The following TBC1D16 variants were observed in gnomAD, a reference collection of about 807,000 sequenced individuals.
TBC1D16 encodes the protein CTD-2529O21.1.
A neutral mutation model predicts 74.7 loss-of-function variants in TBC1D16; 58 were observed. The ratio of observed to expected loss-of-function variants is 0.78; its 90% CI spans 0.63 to 0.97. TBC1D16 has a LOEUF of 0.97. TBC1D16 is among the 50% of genes least tolerant of loss of function. The pLI, the probability that TBC1D16 is intolerant of heterozygous loss-of-function variation, is 0.00. For synonymous variants in TBC1D16, 493 were observed against 474.7 expected (o/e 1.04, Z -0.50); for missense variants, 1,014 against 1,079.5 (o/e 0.94, Z 0.85).
In TBC1D16 at chr17:79,980,452, G is replaced by A. The variant is rs534172193; in HGVS notation, c.780-27634C>T. ...GGAACATGCAGTGGGAGTCTGGGCC[G>A]CTACGTTGTGGGGTGGTGTAACCAG... is the stretch of plus-strand genomic sequence containing the variant. On this transcript the variant is annotated intron_variant, in intron 3 of 11. Transcript: ENST00000310924. This position sits in a 1 kb window ranked among gnomAD's most constrained non-coding sequence, Gnocchi z 7.0. Among the ~76,000 whole-genome samples the A allele has an allele frequency of 2.0e-5, 3 of 152,172 alleles. No homozygotes were observed. Among genetic ancestry groups the A allele is most frequent in the African/African-American group, 4.8e-5 (2 of 41,446 alleles).
intron 3 of TBC1D16, among the ~76,000 whole-genome samples, chr17:79,963,457 T>C (rs2033709115): frequency 6.6e-6 from 1 of 152,190 alleles, no homozygotes; most frequent in African/African-American, 2.4e-5. Flanking sequence ...TATTCCATTG[T>C]ACGGATGGAC....
At chr17:80,029,333 C>T (rs1008190921) in intron 1 of TBC1D16, among the ~76,000 whole-genome samples, 2 of 152,164 alleles carry the variant, frequency 1.3e-5, no homozygotes, top group African/African-American at 4.8e-5. Context: ...CAGATCTATT[C>T]TTTCACAATG....
rs1021566302 is a variant in TBC1D16, at chr17:80,008,678, C to A, written c.779+1482G>T. 2.0e-5 allele frequency among the ~76,000 whole-genome samples: 3 copies of A among 152,202 alleles called. No homozygotes were observed. The highest frequency in any genetic ancestry group is 1.5e-5 in the Non-Finnish European group (1 of 68,032). Reference sequence around the variant, plus strand: ...CCTCCTCGGGTTCCCTGGCGCCTGACGCCACCCAGCTCAGCAAGCCTCCTG... The same window carrying A: ...CCTCCTCGGGTTCCCTGGCGCCTGAAGCCACCCAGCTCAGCAAGCCTCCTG... On this transcript the variant is annotated intron_variant, in intron 3 of 11. Coordinates refer to ENST00000310924, the MANE Select transcript of TBC1D16 (RefSeq NM_019020.4). This position sits in a 1 kb window ranked among gnomAD's most constrained non-coding sequence, Gnocchi z 4.5.
Position 79,938,459 on chromosome 17 carries a change from T to C in TBC1D16, c.*2400A>G, listed in dbSNP as rs17052909. ...GAGACTCAGAAGGAATGCCTTCTAC[T>C]AGGACCTTCCCAAGTGAGGGGAGCC... On this transcript the variant is annotated 3_prime_UTR_variant, in exon 12 of 12. Coordinates refer to ENST00000310924, the MANE Select transcript of TBC1D16 (RefSeq NM_019020.4). 12,826 of 152,302 alleles carry C rather than the reference T, an allele frequency of 0.084. 726 individuals carry two copies. The highest frequency in any genetic ancestry group is 0.2 in the East Asian group (1,032 of 5,174). The allele number at this position is 152,302 out of a possible 1,614,324, so 9.4% of individuals were successfully genotyped here.
At chr17:80,002,627 C>T (rs1568626514) in intron 3 of TBC1D16, among the ~76,000 whole-genome samples, 1 of 152,212 alleles carries the variant, frequency 6.6e-6, no homozygotes. Context: ...AGGGTCGCTA[C>T]GTTTCTAGGG....
chr17:79,940,730 T>G lies in TBC1D16; in HGVS notation c.*129A>C. The G allele has an allele frequency of 8.8e-7, 1 of 1,142,034 alleles. No homozygotes were observed. The highest frequency in any genetic ancestry group is 1.2e-6 in the Non-Finnish European group (1 of 855,838). 70.7% of individuals were successfully genotyped at this position (1,142,034 alleles called of 1,614,324 possible). The stretch of plus-strand genomic sequence containing the variant: ...CATTAATATGAAAAGGTTCCTCTCA[T>G]GTTGCCCAAAAGCATTTTCCTTAGG... On this transcript the variant is annotated 3_prime_UTR_variant, in exon 12 of 12. Coordinates refer to ENST00000310924, the MANE Select transcript of TBC1D16 (RefSeq NM_019020.4). The surrounding 1 kb of genome is among the most constrained non-coding windows in gnomAD (Gnocchi z 5.4).
rs2035750204 is a variant in TBC1D16 at position 80,008,215 on chromosome 17, G to A, written c.779+1945C>T. 6.6e-6 allele frequency among the ~76,000 whole-genome samples: 1 copy of A among 152,046 alleles called. No homozygotes were observed. The highest frequency in any genetic ancestry group is 2.1e-4 in the South Asian group (1 of 4,824). On this transcript the variant is annotated intron_variant, in intron 3 of 11. Transcript: ENST00000310924. This position sits in a 1 kb window ranked among gnomAD's most constrained non-coding sequence, Gnocchi z 4.5. ...GAAGGGCGGGGAAAAGCGAACCGGG[G>A]TGCATTCTCACAATACCCCCAGAAA...
chr17:79,966,375 A>T (rs1379850571), intron 3 of TBC1D16, among the ~76,000 whole-genome samples: 1 of 152,100 alleles, frequency 6.6e-6, no homozygotes, highest in African/African-American at 2.4e-5. Flanking sequence ...TCTTCAATCC[A>T]GTATACCCCT....
intron 7 of TBC1D16, 46 bp from the exon 8 acceptor site, chr17:79,949,052 G>A (rs777684708): frequency 6.2e-7 from 1 of 1,611,916 alleles, no homozygotes; most frequent in Non-Finnish European, 8.5e-7. Context: ...GTGGCACCCA[G>A]AGGCATCGTG....
intron 1 of TBC1D16, among the ~76,000 whole-genome samples, chr17:80,029,959 A>G (rs1283940761): frequency 6.6e-6 from 1 of 152,032 alleles, no homozygotes; most frequent in Non-Finnish European, 1.5e-5. Context: ...CCCTTCCTGC[A>G]TCTTCAAGGC....
At position 79,942,101 on chromosome 17, in the gene TBC1D16, T is replaced by C. The variant is rs1377668818; in HGVS notation, c.2014A>G (p.Asn672Asp). 3.7e-6 allele frequency: 6 copies of C among 1,612,292 alleles called. No individual in the cohort carries two copies. The highest frequency in any genetic ancestry group is 3.3e-4 in the Middle Eastern group (2 of 6,080). Residue 672 changes from asparagine to aspartate, a missense_variant, in exon 11 of 12, where the codon AAC becomes GAC. Asn to Asp is a conservative substitution (Grantham distance 23, BLOSUM62 1). Coordinates refer to ENST00000310924, the MANE Select transcript of TBC1D16 (RefSeq NM_019020.4). ...TCCCCGTTCATGTGCATGGCCAGGT[T>C]TCCGAAGTGCAGGAGCATCTGGTCC... is the stretch of plus-strand genomic sequence containing the variant. ...ATDQMLLHFGNLAMHMNGELV... is the reference protein window; with the variant it reads ...ATDQMLLHFGDLAMHMNGELV...
Position 80,010,421 on chromosome 17 carries a change from G to T in TBC1D16, c.518C>A (p.Ala173Asp). 6.2e-7 allele frequency: 1 copy of T among 1,610,846 alleles called. No homozygotes were observed. The highest frequency in any genetic ancestry group is 1.1e-5 in the South Asian group (1 of 90,722). ...GCAAGCAGGCTGCGAGGCTGGCTGG[G>T]CACCATCCACCCCCAAGCCCTGCGC... ...KLAQGLGVDG[A>D]QPASQPACSP... Residue 173 changes from alanine to aspartate, a missense_variant, in exon 3 of 12, where the codon GCC becomes GAC. Ala to Asp is a moderately radical substitution (Grantham distance 126). Coordinates refer to ENST00000310924, the MANE Select transcript of TBC1D16 (RefSeq NM_019020.4). This position sits in a 1 kb window ranked among gnomAD's most constrained non-coding sequence, Gnocchi z 8.8.
rs2031776255 is a variant in TBC1D16, at chr17:79,938,713, G to T, written c.*2146C>A. The T allele has an allele frequency of 1.3e-5, 2 of 152,266 alleles. No homozygotes were observed. Among genetic ancestry groups the T allele is most frequent in the Admixed American group, 1.3e-4 (2 of 15,292 alleles). 9.4% of individuals were successfully genotyped at this position (152,266 alleles called of 1,614,324 possible). A position where few individuals can be genotyped will look rare whatever the true frequency, so the allele number is the denominator to read the frequency against. On this transcript the variant is annotated 3_prime_UTR_variant, in exon 12 of 12. Coordinates refer to ENST00000310924, the MANE Select transcript of TBC1D16 (RefSeq NM_019020.4). ...ACTGTGCAGAGCGGACAATAAAGTG[G>T]CAGGCCTGTCCCCCACCCCTTAATG...
In TBC1D16 at chr17:79,932,554, T is replaced by C. The variant is rs991150115; in HGVS notation, c.*8305A>G. On this transcript the variant is annotated 3_prime_UTR_variant, in exon 12 of 12. Coordinates refer to ENST00000310924, the MANE Select transcript of TBC1D16 (RefSeq NM_019020.4). Reference sequence around the variant, plus strand: ...TTGGCCCTTGCCCATTGCCATACTCTACTGTCAGATTTTAAAACTGCTAGA... The same window carrying C: ...TTGGCCCTTGCCCATTGCCATACTCCACTGTCAGATTTTAAAACTGCTAGA... The C allele has an allele frequency of 6.6e-6, 1 of 152,286 alleles. No homozygotes were observed. Among genetic ancestry groups the C allele is most frequent in the African/African-American group, 2.4e-5 (1 of 41,464 alleles). 9.4% of individuals were successfully genotyped at this position (152,286 alleles called of 1,614,324 possible). A position where few individuals can be genotyped will look rare whatever the true frequency, so the allele number is the denominator to read the frequency against.
chr17:79,942,352 G>C, intron 10 of TBC1D16, 146 bp from the exon 11 acceptor site: 1 of 862,172 alleles, frequency 1.2e-6, no homozygotes, highest in Non-Finnish European at 1.7e-6. Context: ...GTGTGGCCCT[G>C]GGCAAGCTGC....
intron 1 of TBC1D16, among the ~76,000 whole-genome samples, chr17:80,021,919 C>T (rs1177058105): frequency 2.0e-5 from 3 of 147,532 alleles, no homozygotes; most frequent in African/African-American, 7.8e-5. Flanking sequence ...CCATGACACA[C>T]ACAAACACAT....
rs1465011061 is a variant in TBC1D16 at position 79,951,490 on chromosome 17, T to C, written c.1049A>G (p.Gln350Arg). 1 of 1,613,686 alleles carries C rather than the reference T, an allele frequency of 6.2e-7. No individual in the cohort carries two copies. Among genetic ancestry groups the C allele is most frequent in the Non-Finnish European group, 8.5e-7 (1 of 1,179,938 alleles). ...CATCTCGGTGCAGTATTTCCACTGCTGGAACACGTCAGACAGCTTGTCCAG... is the reference window on the plus strand; with the variant it reads ...CATCTCGGTGCAGTATTTCCACTGCCGGAACACGTCAGACAGCTTGTCCAG... Reference protein sequence around the residue: ...GGLDKLSDVFQQWKYCTEMQL... With the variant: ...GGLDKLSDVFRQWKYCTEMQL... Residue 350 changes from glutamine to arginine, a missense_variant, in exon 5 of 12, where the codon CAG (glutamine) becomes CGG (arginine). Transcript: ENST00000310924.
chr17:79,969,557 A>G (rs1440420864), intron 3 of TBC1D16, among the ~76,000 whole-genome samples: 1 of 152,256 alleles, frequency 6.6e-6, no homozygotes, highest in African/African-American at 2.4e-5. Flanking sequence ...GGAGCAGCCA[A>G]TTGTGGAAAA....
At chr17:79,960,305 A>T (rs987600547) in intron 3 of TBC1D16, among the ~76,000 whole-genome samples, 2 of 152,208 alleles carry the variant, frequency 1.3e-5, no homozygotes, top group Admixed American at 1.3e-4. Context: ...ATTTGAAAAG[A>T]CATTTCACCA....
Sources: gnomAD v4.1 joint callset for allele counts (sites outside exome capture counted in the v4.1 genomes callset) on GRCh38, gnomAD v4.1.1 for gene constraint, Gnocchi (gnomAD v3.1) non-coding constraint, MANE v1.5 for transcripts, NCBI Gene and HGNC (gene_info 2026-07-23, HGNC 2026-07-21) for gene names.